PDZD8: variants seen among roughly 807,000 people sequenced by gnomAD.
The protein encoded by PDZD8 is PDZ domain-containing protein 8.
Under a neutral mutation model 85.8 loss-of-function variants are expected in PDZD8, and 14 were observed. The observed-to-expected ratio is 0.16, with a 90% CI of 0.11 to 0.26. The LOEUF is 0.26. PDZD8 is among the 10% of genes least tolerant of loss of function. The pLI, the probability that PDZD8 is intolerant of heterozygous loss-of-function variation, is 1.00. For missense variants in PDZD8, 1,197 were observed against 1,424.3 expected, an observed-to-expected ratio of 0.84 and a Z score of 2.57; for synonymous variants, 592 against 568.6, an observed-to-expected ratio of 1.04 and a Z score of -0.59.
intron 2 of PDZD8, among the ~76,000 whole-genome samples, chr10:117,339,510 G>T (rs1216232546): frequency 6.6e-6 from 1 of 152,172 alleles, no homozygotes; most frequent in Non-Finnish European, 1.5e-5. Flanking sequence ...ACAGCTTATG[G>T]TCTAAATTCA....
intron 1 of PDZD8, among the ~76,000 whole-genome samples, chr10:117,351,028 A>C (rs1373567216): frequency 6.6e-6 from 1 of 152,196 alleles, no homozygotes; most frequent in Admixed American, 6.5e-5. Flanking sequence ...TTTAAGTTAC[A>C]TGCATTAAGT....
chr10:117,309,556 C>A (rs1844000168), intron 3 of PDZD8, among the ~76,000 whole-genome samples: 1 of 151,956 alleles, frequency 6.6e-6, no homozygotes, highest in South Asian at 2.1e-4. Flanking sequence ...GGCTTCCTTG[C>A]TCACTCCAAA....
intron 1 of PDZD8, among the ~76,000 whole-genome samples, chr10:117,363,916 T>C (rs1845040243): frequency 6.6e-6 from 1 of 152,200 alleles, no homozygotes; most frequent in Non-Finnish European, 1.5e-5. Flanking sequence ...TTGGCAATTA[T>C]ATACCAGACT....
intron 3 of PDZD8, among the ~76,000 whole-genome samples, chr10:117,306,148 G>T (rs904160978): frequency 6.6e-6 from 1 of 152,080 alleles, no homozygotes; most frequent in African/African-American, 2.4e-5. Flanking sequence ...TTGATAACTT[G>T]GTTTCTAAAG....
Position 117,284,723 on chromosome 10 carries a change from C to A in PDZD8, c.2010G>T (p.Lys670Asn). Residue 670 changes from lysine (K) to asparagine (N), a missense_variant, in exon 5 of 5, where the codon AAG becomes AAT. Physicochemically the swap from Lys to Asn is moderately conservative, Grantham distance 94 (BLOSUM62 0). Transcript: ENST00000334464. Reference sequence around the variant, plus strand: ...ATGTTTGACGGTCGTCCGAACTGTCCTTAGTAGGGCAGGAAGTTTCTGAAG... The same window carrying A: ...ATGTTTGACGGTCGTCCGAACTGTCATTAGTAGGGCAGGAAGTTTCTGAAG... Reference protein sequence around the residue: ...DVTSETSCPTKDSSDDRQTWE... With the variant: ...DVTSETSCPTNDSSDDRQTWE... 11 of 1,614,154 alleles carry A rather than the reference C, an allele frequency of 6.8e-6. No homozygotes were observed. The highest frequency in any genetic ancestry group is 1.1e-5 in the South Asian group (1 of 91,084).
chr10:117,324,776 T>C (rs1844286904), intron 2 of PDZD8, among the ~76,000 whole-genome samples: 1 of 152,206 alleles, frequency 6.6e-6, no homozygotes, highest in Admixed American at 6.5e-5. Context: ...TTATTTGAAA[T>C]ATTGCTGATT....
chr10:117,359,530 T>TA (rs1170459400), intron 1 of PDZD8, among the ~76,000 whole-genome samples: 1 of 151,422 alleles, frequency 6.6e-6, no homozygotes, highest in Non-Finnish European at 1.5e-5. Flanking sequence ...GCCAACATGG[T>TA]AAAATCCCGT....
intron 1 of PDZD8, among the ~76,000 whole-genome samples, chr10:117,369,351 G>T (rs546259545): frequency 1.3e-5 from 2 of 151,364 alleles, no homozygotes; most frequent in East Asian, 3.9e-4. Context: ...TAAAGATGGG[G>T]TTTCGCCATG....
intron 1 of PDZD8, among the ~76,000 whole-genome samples, chr10:117,350,717 C>G (rs1173829728): frequency 2.0e-5 from 3 of 151,400 alleles, no homozygotes; most frequent in African/African-American, 7.3e-5. Context: ...TCCTGGCTAA[C>G]ATGGTGAAAC....
chr10:117,343,548 T>G (rs1165204310), intron 1 of PDZD8, among the ~76,000 whole-genome samples: 1 of 152,216 alleles, frequency 6.6e-6, no homozygotes, highest in Non-Finnish European at 1.5e-5. Context: ...AAAAAAATTA[T>G]AATAACCATA....
At chr10:117,344,969 A>T (rs1034942455) in intron 1 of PDZD8, among the ~76,000 whole-genome samples, 5 of 152,156 alleles carry the variant, frequency 3.3e-5, no homozygotes, top group African/African-American at 1.2e-4. Context: ...ATAGTGGGAA[A>T]GGCAAGCCAA....
At chr10:117,321,350 T>A (rs1844222312) in intron 2 of PDZD8, among the ~76,000 whole-genome samples, 1 of 152,176 alleles carries the variant, frequency 6.6e-6, no homozygotes, top group Non-Finnish European at 1.5e-5. Flanking sequence ...ACACTATGAA[T>A]GAACCTTGAA....
intron 1 of PDZD8, among the ~76,000 whole-genome samples, chr10:117,355,298 C>T (rs11197960): frequency 0.23 from 35,100 of 151,902 alleles, 4,723 homozygotes; most frequent in East Asian, 0.43. Flanking sequence ...GTCTGTAACC[C>T]GTCCCTCTCC....
intron 4 of PDZD8, among the ~76,000 whole-genome samples, chr10:117,289,245 C>G (rs1325161783): frequency 6.6e-6 from 1 of 152,272 alleles, no homozygotes; most frequent in African/African-American, 2.4e-5. Flanking sequence ...ATTGGGCTCC[C>G]AGATATGCAA....
intron 2 of PDZD8, among the ~76,000 whole-genome samples, chr10:117,331,986 A>G (rs975680395): frequency 6.6e-6 from 1 of 152,258 alleles, no homozygotes; most frequent in Non-Finnish European, 1.5e-5. Flanking sequence ...TATCTGAGAG[A>G]AATGTATAAA....
chr10:117,277,634 T>C lies in PDZD8; in HGVS notation c.*5634A>G, dbSNP rs363281. 4,864 of 154,524 alleles carry C rather than the reference T, an allele frequency of 0.031. 85 individuals carry two copies. The highest frequency in any genetic ancestry group is 0.038 in the South Asian group (190 of 4,936). 9.6% of individuals were successfully genotyped at this position (154,524 alleles called of 1,614,324 possible). ...GGGCAAAAATCATATTGGTAATGAG[T>C]GTTTAAAATTAAAGCACACATTATC... On this transcript the variant is annotated 3_prime_UTR_variant, in exon 5 of 5. Coordinates refer to ENST00000334464, the MANE Select transcript of PDZD8 (RefSeq NM_173791.5).
At chr10:117,333,131 A>AAAAAAAAAC (rs1564703044) in intron 2 of PDZD8, among the ~76,000 whole-genome samples, 8 of 149,282 alleles carry the variant, frequency 5.4e-5, no homozygotes, top group Middle Eastern at 3.4e-3. Flanking sequence ...AAAAAAAAAA[A>AAAAAAAAAC]AAAAAAAAAA....
intron 1 of PDZD8, among the ~76,000 whole-genome samples, chr10:117,358,923 G>A (rs1589591741): frequency 6.6e-6 from 1 of 152,234 alleles, no homozygotes; most frequent in East Asian, 1.9e-4. Flanking sequence ...AGACATGTCA[G>A]GTAGCAAACT....
chr10:117,277,315 T>A lies in PDZD8; in HGVS notation c.*5953A>T. ...AAGTGTTTAATTGTATAAAACAGTG[T>A]TTCCAGTGACACAACTCATCCAGAA... On this transcript the variant is annotated 3_prime_UTR_variant, in exon 5 of 5. Transcript: ENST00000334464. The A allele has an allele frequency of 1.7e-6, 2 of 1,195,174 alleles. No individual in the cohort carries two copies. Among genetic ancestry groups the A allele is most frequent in the Non-Finnish European group, 2.4e-6 (2 of 817,310 alleles). 74.0% of individuals were successfully genotyped at this position (1,195,174 alleles called of 1,614,324 possible). A position where few individuals can be genotyped will look rare whatever the true frequency, so the allele number is the denominator to read the frequency against.
Sources: gnomAD v4.1 joint callset for allele counts (sites outside exome capture counted in the v4.1 genomes callset) on GRCh38, gnomAD v4.1.1 for gene constraint, MANE v1.5 for transcripts, NCBI Gene and HGNC (gene_info 2026-07-23, HGNC 2026-07-21) for gene names.